LIN9: variants seen among roughly 807,000 people sequenced by gnomAD.
LIN9 encodes the protein lin-9 DREAM MuvB core complex component, also known as protein lin-9 homolog.
LIN9 carries 18 observed loss-of-function variants against 78.0 expected under a neutral mutation model. The observed-to-expected ratio is 0.23, with a 90% confidence interval of 0.16 to 0.34. LIN9 has a LOEUF of 0.34. Among genes scored for constraint, LIN9 ranks in the 10% least tolerant of loss-of-function variants. The probability of loss-of-function intolerance (pLI) is 1.00; values close to 1 mark genes in which losing one functional copy is unlikely to be tolerated. For missense variants in LIN9, 451 were observed against 644.1 expected, an observed-to-expected ratio of 0.70 and a Z score of 3.25; for synonymous variants, 192 against 215.2, an observed-to-expected ratio of 0.89 and a Z score of 0.94.
chr1:226,298,643 T>C (rs1196851932), intron 2 of LIN9, among the ~76,000 whole-genome samples: 1 of 152,120 alleles, frequency 6.6e-6, no homozygotes, highest in African/African-American at 2.4e-5. Context: ...GGTGGATCAT[T>C]TGAGGCCATG....
chr1:226,257,236 C>T (rs1384709303), intron 10 of LIN9, among the ~76,000 whole-genome samples: 1 of 152,104 alleles, frequency 6.6e-6, no homozygotes, highest in Non-Finnish European at 1.5e-5. Context: ...AGGCGTGAGC[C>T]ACCACACCTG....
chr1:226,237,255 C>T (rs1657777753), intron 12 of LIN9, among the ~76,000 whole-genome samples: 1 of 152,106 alleles, frequency 6.6e-6, no homozygotes, highest in Non-Finnish European at 1.5e-5. Context: ...ATTGCTAGTC[C>T]AGGGGAGAAA....
upstream of LIN9, chr1:226,309,664 C>A: frequency 7.8e-7 from 1 of 1,283,740 alleles, no homozygotes; most frequent in Non-Finnish European, 1.0e-6. Flanking sequence ...CCTCCGTCCC[C>A]TCACTTTTCC....
intron 6 of LIN9, among the ~76,000 whole-genome samples, chr1:226,284,832 G>A (rs966541050): frequency 6.6e-6 from 1 of 152,100 alleles, no homozygotes; most frequent in African/African-American, 2.4e-5. Flanking sequence ...ATGTCTTAAT[G>A]TTTCTTCATA....
chr1:226,297,608 T>C lies in LIN9; in HGVS notation c.159+111A>G, dbSNP rs1662235993. ...AACAGTGCTTAATGACACTTGAGGT[T>C]GGGAAAAAAACTTGTAAATTTTTTA... is the stretch of plus-strand genomic sequence containing the variant. On this transcript the variant is annotated intron_variant, in intron 3 of 14. Coordinates refer to ENST00000681046, the MANE Select transcript of LIN9 (RefSeq NM_001366245.2). The C allele has an allele frequency of 6.4e-5, 36 of 561,954 alleles. No homozygotes were observed. In the South Asian group the frequency reaches 1.2e-3, roughly 18 times the overall value. 34.8% of individuals were successfully genotyped at this position (561,954 alleles called of 1,614,324 possible). A position where few individuals can be genotyped will look rare whatever the true frequency, so the allele number is the denominator to read the frequency against.
chr1:226,306,719 T>C (rs1662939656), intron 1 of LIN9, among the ~76,000 whole-genome samples: 1 of 152,226 alleles, frequency 6.6e-6, no homozygotes, highest in African/African-American at 2.4e-5. Flanking sequence ...TATCGACTCC[T>C]GAACAATATA....
intron 10 of LIN9, among the ~76,000 whole-genome samples, chr1:226,252,517 T>C (rs1245260016): frequency 6.6e-6 from 1 of 152,148 alleles, no homozygotes; most frequent in Non-Finnish European, 1.5e-5. Flanking sequence ...TGTGGGAGAC[T>C]GTATGGATAA....
chr1:226,239,385 C>T (rs1337762328), intron 11 of LIN9, among the ~76,000 whole-genome samples: 2 of 152,124 alleles, frequency 1.3e-5, no homozygotes, highest in South Asian at 2.1e-4. Flanking sequence ...AAGCAATGTT[C>T]GTTATATTCG....
chr1:226,258,894 C>CAAAAAAAAAA (rs770169450), intron 10 of LIN9, among the ~76,000 whole-genome samples: 13 of 54,776 alleles, frequency 2.4e-4, no homozygotes, highest in South Asian at 8.8e-4. Context: ...TCTGTCTCAA[C>CAAAAAAAAAA]AAAAAAAAAA....
intron 3 of LIN9, among the ~76,000 whole-genome samples, chr1:226,296,410 A>C (rs1452584042): frequency 6.6e-6 from 1 of 152,212 alleles, no homozygotes; most frequent in Admixed American, 6.5e-5. Context: ...TCTGCTGTCA[A>C]AAATTGTTAA....
chr1:226,255,478 C>A (rs1358982509), intron 10 of LIN9, among the ~76,000 whole-genome samples: 1 of 152,056 alleles, frequency 6.6e-6, no homozygotes, highest in Non-Finnish European at 1.5e-5. Context: ...GAGGCTCAGG[C>A]TGACACAGTT....
At chr1:226,278,386 G>A (rs1381080685) in intron 6 of LIN9, among the ~76,000 whole-genome samples, 15 of 149,900 alleles carry the variant, frequency 1.0e-4, no homozygotes, top group Non-Finnish European at 1.6e-4. Flanking sequence ...CTGAGATTGC[G>A]CCACTGCACT....
chr1:226,289,833 C>CGG (rs1661612536), intron 4 of LIN9, among the ~76,000 whole-genome samples: 1 of 6,402 alleles, frequency 1.6e-4, no homozygotes, highest in Non-Finnish European at 3.3e-4. Context: ...AAGTAGTCCT[C>CGG]CGGGGGGGGG....
chr1:226,260,819 G>A (rs1659532877), intron 10 of LIN9, among the ~76,000 whole-genome samples: 1 of 151,470 alleles, frequency 6.6e-6, no homozygotes, highest in Admixed American at 6.6e-5. Context: ...TAATTTTTTT[G>A]TATTTTTAGT....
At chr1:226,263,574 CT>C (rs1659730610) in intron 10 of LIN9, among the ~76,000 whole-genome samples, 2 of 152,316 alleles carry the variant, frequency 1.3e-5, no homozygotes, top group South Asian at 4.1e-4. Flanking sequence ...CTCAAACTCT[CT>C]CACACACACA....
At position 226,265,906 on chromosome 1, in the gene LIN9, T is replaced by C. The variant is rs1659877454; in HGVS notation, c.937-272A>G. Among the ~76,000 whole-genome samples the C allele has an allele frequency of 2.0e-5, 3 of 151,826 alleles. No individual in the cohort carries two copies. The South Asian group carries it at 6.2e-4, about 32-fold the overall frequency. ...GTTGATCAGGTTGGTCTCGAACTCC[T>C]GACCTCGTGATCCGCCTGCCTCAGC... On this transcript the variant is annotated intron_variant, in intron 9 of 14. Transcript: ENST00000681046. This position sits in a 1 kb window ranked among gnomAD's most constrained non-coding sequence, Gnocchi z 4.1.
At chr1:226,234,301 C>T (rs1053314126) in intron 12 of LIN9, among the ~76,000 whole-genome samples, 2 of 152,178 alleles carry the variant, frequency 1.3e-5, no homozygotes, top group Non-Finnish European at 2.9e-5. Flanking sequence ...ATGATGGTTG[C>T]AAAATGGTGT....
At chr1:226,270,385 T>C (rs933550888) in intron 7 of LIN9, among the ~76,000 whole-genome samples, 2 of 152,144 alleles carry the variant, frequency 1.3e-5, no homozygotes, top group African/African-American at 2.4e-5. Flanking sequence ...TTAGAATACA[T>C]AGTTGCTACA....
chr1:226,257,979 G>T (rs1360122460), intron 10 of LIN9, among the ~76,000 whole-genome samples: 1 of 152,020 alleles, frequency 6.6e-6, no homozygotes, highest in Non-Finnish European at 1.5e-5. Context: ...GAGCCAAGGA[G>T]TTCAAGACCA....
Sources: allele counts gnomAD v4.1 joint callset (sites outside exome capture counted in the v4.1 genomes callset), GRCh38; gene constraint gnomAD v4.1.1; non-coding constraint Gnocchi (gnomAD v3.1); transcripts MANE v1.5; gene names NCBI Gene and HGNC (gene_info 2026-07-23, HGNC 2026-07-21).